The following PCDH9 variants were observed in gnomAD, a reference collection of about 807,000 sequenced individuals.
PCDH9 encodes protocadherin 9, also known as protocadherin-9.
PCDH9 carries 24 observed loss-of-function variants against 70.6 expected under a neutral mutation model. That is an observed-to-expected ratio of 0.34 (90% CI 0.25 to 0.48). PCDH9 has a LOEUF of 0.48. Ranked by LOEUF, PCDH9 falls within the 20% of genes least tolerant of loss-of-function variation. The probability of loss-of-function intolerance (pLI) is 0.99; values close to 1 mark genes in which losing one functional copy is unlikely to be tolerated. For missense variants in PCDH9, 1,281 were observed against 1,503.6 expected, an observed-to-expected ratio of 0.85 and a Z score of 2.45; for synonymous variants, 562 against 558.5, an observed-to-expected ratio of 1.01 and a Z score of -0.09.
At chr13:66,704,849 A>T (rs1027873669) in intron 3 of PCDH9, among the ~76,000 whole-genome samples, 6 of 152,130 alleles carry the variant, frequency 3.9e-5, no homozygotes, top group South Asian at 2.1e-4. Flanking sequence ...GTCTTTTAAA[A>T]TACATTTTTC....
chr13:66,322,348 T>C (rs1287121131), intron 4 of PCDH9, among the ~76,000 whole-genome samples: 1 of 151,918 alleles, frequency 6.6e-6, no homozygotes, highest in Non-Finnish European at 1.5e-5. Context: ...TGGCCACAGC[T>C]CAGTTTCTCA....
intron 4 of PCDH9, among the ~76,000 whole-genome samples, chr13:66,352,434 G>T (rs1437029729): frequency 2.0e-5 from 3 of 152,074 alleles, no homozygotes; most frequent in Admixed American, 2.0e-4. Flanking sequence ...AGCTCTGGAG[G>T]CTGGGAAGTT....
intron 2 of PCDH9, among the ~76,000 whole-genome samples, chr13:67,008,018 A>AATAT (rs1189045724): frequency 6.6e-6 from 1 of 152,112 alleles, no homozygotes; most frequent in African/African-American, 2.4e-5. Flanking sequence ...ATGAAACACA[A>AATAT]ATATATTTAT....
In PCDH9 at chr13:66,401,467, C is replaced by T. The variant is rs932479957; in HGVS notation, c.3341-96439G>A. Among the ~76,000 whole-genome samples, 7 of 151,998 alleles carry T rather than the reference C, an allele frequency of 4.6e-5. No homozygotes were observed. In the East Asian group the frequency reaches 7.7e-4, roughly 17 times the overall value. On this transcript the variant is annotated intron_variant, in intron 4 of 4. Coordinates refer to ENST00000377865, the MANE Select transcript of PCDH9 (RefSeq NM_203487.3). ...TTTCCTGAGGCCTCCCTAGCCAGGG[C>T]GGAACTGTGAGTCAATTAAGCCTCT...
intron 2 of PCDH9, among the ~76,000 whole-genome samples, chr13:66,930,814 C>G (rs369775515): frequency 1.3e-5 from 2 of 151,918 alleles, no homozygotes; most frequent in African/African-American, 4.8e-5. Context: ...TTCTGACCCA[C>G]CGAAAAAAAT....
intron 3 of PCDH9, among the ~76,000 whole-genome samples, chr13:66,683,541 C>G (rs1296066913): frequency 1.3e-5 from 2 of 152,194 alleles, no homozygotes; most frequent in Non-Finnish European, 2.9e-5. Flanking sequence ...ACAGCTAGCA[C>G]TCACTATGTT....
chr13:66,636,633 C>A (rs2077641431), intron 3 of PCDH9, among the ~76,000 whole-genome samples: 1 of 151,976 alleles, frequency 6.6e-6, no homozygotes, highest in Admixed American at 6.6e-5. Context: ...ATAGAGAATT[C>A]TTTAAATATC....
At chr13:67,099,394 T>C (rs1275411522) in intron 2 of PCDH9, among the ~76,000 whole-genome samples, 3 of 152,198 alleles carry the variant, frequency 2.0e-5, no homozygotes, top group African/African-American at 4.8e-5. Flanking sequence ...TTTGTAAATA[T>C]GCAAATTAAT....
intron 4 of PCDH9, among the ~76,000 whole-genome samples, chr13:66,371,929 G>A (rs1336068144): frequency 6.6e-6 from 1 of 151,962 alleles, no homozygotes; most frequent in Non-Finnish European, 1.5e-5. Flanking sequence ...TGATCTTCAG[G>A]CTCAACTACA....
chr13:66,934,558 G>GAAAAAGAAAAAGAAAAAGAAAAGAA (rs752213385), intron 2 of PCDH9, among the ~76,000 whole-genome samples: 38,997 of 132,278 alleles, frequency 0.29, 6,166 homozygotes, highest in East Asian at 0.51. Context: ...AAAAAAAAAA[G>GAAAAAGAAAAAGAAAAAGAAAAGAA]AAAAAGAAAA....
intron 2 of PCDH9, among the ~76,000 whole-genome samples, chr13:66,928,671 A>G (rs886129811): frequency 2.6e-5 from 4 of 152,076 alleles, no homozygotes; most frequent in African/African-American, 9.7e-5. Flanking sequence ...CTACTATGTA[A>G]GGACACAGCA....
chr13:66,761,530 A>C (rs2079627545), intron 3 of PCDH9, among the ~76,000 whole-genome samples: 1 of 151,488 alleles, frequency 6.6e-6, no homozygotes, highest in African/African-American at 2.4e-5. Context: ...AGCTTTCTTC[A>C]TTTCTTTTCA....
chr13:67,149,089 G>A (rs528748884), intron 2 of PCDH9, among the ~76,000 whole-genome samples: 9 of 152,038 alleles, frequency 5.9e-5, no homozygotes, highest in Admixed American at 2.0e-4. Context: ...CTACTACATG[G>A]CACCATAGCC....
rs1352549852 is a variant in PCDH9, at chr13:67,225,872, T to G, written c.2569A>C (p.Met857Leu). Residue 857 changes from methionine to leucine, a missense_variant, in exon 2 of 5, where the codon ATG becomes CTG. Physicochemically the swap from Met to Leu is conservative, Grantham distance 15. Transcript: ENST00000377865. ...AQRSKQGAEWMSPNQENKQNK... is the reference protein window; with the variant it reads ...AQRSKQGAEWLSPNQENKQNK... ...TGCTTGTTCTCCTGGTTTGGGGACA[T>G]CCATTCGGCACCTTGCTTGCTCCTC... 6.2e-7 allele frequency: 1 copy of G among 1,613,992 alleles called. No individual in the cohort carries two copies. Among genetic ancestry groups the G allele is most frequent in the Non-Finnish European group, 8.5e-7 (1 of 1,180,032 alleles).
chr13:66,783,922 A>G (rs1312020317), intron 3 of PCDH9, among the ~76,000 whole-genome samples: 1 of 152,186 alleles, frequency 6.6e-6, no homozygotes, highest in East Asian at 1.9e-4. Context: ...ACATCCTTGA[A>G]CATGATTTAA....
intron 3 of PCDH9, among the ~76,000 whole-genome samples, chr13:66,675,600 G>A (rs183486475): frequency 6.6e-6 from 1 of 152,220 alleles, no homozygotes; most frequent in East Asian, 1.9e-4. Context: ...AGGTGTCAAA[G>A]GAACCAGTGG....
intron 4 of PCDH9, among the ~76,000 whole-genome samples, chr13:66,582,743 CT>C (rs2076910386): frequency 6.6e-6 from 1 of 152,128 alleles, no homozygotes; most frequent in Non-Finnish European, 1.5e-5. Flanking sequence ...GAAAGATATC[CT>C]TGTGTGAACT....
chr13:66,756,979 G>A (rs2079547442), intron 3 of PCDH9, among the ~76,000 whole-genome samples: 1 of 152,136 alleles, frequency 6.6e-6, no homozygotes, highest in Admixed American at 6.6e-5. Flanking sequence ...TGGGACTACA[G>A]GTGGGCACCA....
intron 3 of PCDH9, among the ~76,000 whole-genome samples, chr13:66,884,665 G>A (rs2081978675): frequency 6.6e-6 from 1 of 152,164 alleles, no homozygotes; most frequent in Non-Finnish European, 1.5e-5. Flanking sequence ...TCTGTGGACT[G>A]ACCAAGTTTG....
Sources: allele counts gnomAD v4.1 joint callset (sites outside exome capture counted in the v4.1 genomes callset), GRCh38; gene constraint gnomAD v4.1.1; transcripts MANE v1.5; gene names NCBI Gene and HGNC (gene_info 2026-07-23, HGNC 2026-07-21).